The following RPRD2 variants were observed in gnomAD, a reference collection of about 807,000 sequenced individuals.
The protein encoded by RPRD2 is regulation of nuclear pre-mRNA domain-containing protein 2.
In RPRD2, 12 loss-of-function variants were observed where a neutral mutation model predicts 104.4. The observed-to-expected ratio is 0.11, with a 90% CI of 0.07 to 0.19. The LOEUF (loss-of-function observed/expected upper bound fraction) is 0.19, where lower values mean the gene tolerates loss of function less well. Among genes scored for constraint, RPRD2 ranks in the 10% least tolerant of loss-of-function variants. The pLI, the probability that RPRD2 is intolerant of heterozygous loss-of-function variation, is 1.00. For synonymous variants in RPRD2, 714 were observed against 684.9 expected (o/e 1.04, Z -0.66); for missense variants, 1,543 against 1,790.1 (o/e 0.86, Z 2.49).
At chr1:150,383,105 C>T (rs925453628) in intron 1 of RPRD2, among the ~76,000 whole-genome samples, 1 of 151,994 alleles carries the variant, frequency 6.6e-6, no homozygotes, top group African/African-American at 2.4e-5. Context: ...TGATCTTTCC[C>T]ATCTCAGCCT....
intron 10 of RPRD2, among the ~76,000 whole-genome samples, chr1:150,468,808 T>C (rs113284974): frequency 4.4e-4 from 67 of 152,226 alleles, no homozygotes; most frequent in Middle Eastern, 3.4e-3. Context: ...GCCCAAGAGG[T>C]TGAGGTTACA....
chr1:150,466,345 T>C (rs1570798681), intron 10 of RPRD2, among the ~76,000 whole-genome samples: 1 of 131,404 alleles, frequency 7.6e-6, no homozygotes, highest in Admixed American at 8.7e-5. Flanking sequence ...CCCACTACAC[T>C]CCAGCCTGGG....
intron 1 of RPRD2, among the ~76,000 whole-genome samples, chr1:150,390,464 A>T (rs1263400731): frequency 6.6e-6 from 1 of 152,144 alleles, no homozygotes; most frequent in African/African-American, 2.4e-5. Context: ...ACGCCGTTAC[A>T]CTCCAGCCTG....
chr1:150,366,332 C>T (rs1341420102), intron 1 of RPRD2, among the ~76,000 whole-genome samples: 2 of 152,190 alleles, frequency 1.3e-5, no homozygotes, highest in African/African-American at 2.4e-5. Context: ...AAATTATAGG[C>T]CCCATGCTTC....
chr1:150,469,803 C>CT (rs1478254081), intron 10 of RPRD2, among the ~76,000 whole-genome samples: 1 of 152,078 alleles, frequency 6.6e-6, no homozygotes, highest in African/African-American at 2.4e-5. Context: ...TCAATCTGGA[C>CT]TAAATAATCC....
intron 1 of RPRD2, among the ~76,000 whole-genome samples, chr1:150,370,252 G>GAAAAATAT: frequency 6.6e-6 from 1 of 152,182 alleles, no homozygotes; most frequent in East Asian, 1.9e-4. Context: ...AATCAATATG[G>GAAAAATAT]AAAAATATAA....
intron 1 of RPRD2, among the ~76,000 whole-genome samples, chr1:150,403,356 C>A (rs887797382): frequency 1.3e-5 from 2 of 152,020 alleles, no homozygotes; most frequent in Non-Finnish European, 2.9e-5. Flanking sequence ...CAGCCATCAC[C>A]ACCATCCATC....
At chr1:150,464,207 C>G (rs1399806266) in intron 9 of RPRD2, among the ~76,000 whole-genome samples, 3 of 151,960 alleles carry the variant, frequency 2.0e-5, no homozygotes, top group African/African-American at 2.4e-5. Context: ...CAGGGTTTCC[C>G]CATGTTGGTC....
At chr1:150,402,026 C>G (rs1240253783) in intron 1 of RPRD2, among the ~76,000 whole-genome samples, 1 of 150,706 alleles carries the variant, frequency 6.6e-6, no homozygotes, top group Non-Finnish European at 1.5e-5. Flanking sequence ...GTGGCACAAT[C>G]TCGGCTCACT....
chr1:150,394,484 G>A (rs1662336672), intron 1 of RPRD2, among the ~76,000 whole-genome samples: 1 of 152,192 alleles, frequency 6.6e-6, no homozygotes, highest in African/African-American at 2.4e-5. Context: ...ACTAAATGTT[G>A]TATATATAGA....
At chr1:150,423,167 A>AG (rs1664878445) in intron 2 of RPRD2, among the ~76,000 whole-genome samples, 1 of 152,220 alleles carries the variant, frequency 6.6e-6, no homozygotes, top group Non-Finnish European at 1.5e-5. Flanking sequence ...AGTTTATCTG[A>AG]ATATACATCA....
At chr1:150,465,360 C>T (rs587636619) in intron 10 of RPRD2, among the ~76,000 whole-genome samples, 1 of 152,080 alleles carries the variant, frequency 6.6e-6, no homozygotes, top group South Asian at 2.1e-4. Context: ...TCAGGCAGTC[C>T]ACCCACCTCA....
intron 1 of RPRD2, among the ~76,000 whole-genome samples, chr1:150,380,627 G>A (rs918694145): frequency 8.6e-5 from 13 of 151,628 alleles, no homozygotes; most frequent in African/African-American, 2.7e-4. Flanking sequence ...GGATTAAGGC[G>A]TGAGCCACCA....
At chr1:150,416,850 C>A (rs1200673005) in intron 1 of RPRD2, among the ~76,000 whole-genome samples, 1 of 129,522 alleles carries the variant, frequency 7.7e-6, no homozygotes, top group Non-Finnish European at 1.6e-5. Flanking sequence ...GTAGCCTGGG[C>A]GACAGAGTGA....
At chr1:150,402,826 G>T (rs1448135862) in intron 1 of RPRD2, among the ~76,000 whole-genome samples, 3 of 152,128 alleles carry the variant, frequency 2.0e-5, no homozygotes, top group Admixed American at 2.0e-4. Flanking sequence ...AATTAGCCGG[G>T]CATGATGGCA....
chr1:150,399,869 T>C (rs1056341447), intron 1 of RPRD2, among the ~76,000 whole-genome samples: 3 of 152,178 alleles, frequency 2.0e-5, no homozygotes, highest in Non-Finnish European at 2.9e-5. Flanking sequence ...AACTATGTTG[T>C]CTATTGTGGG....
chr1:150,415,421 G>A (rs1193289128), intron 1 of RPRD2, among the ~76,000 whole-genome samples: 1 of 152,080 alleles, frequency 6.6e-6, no homozygotes. Context: ...AGTAGTTCAT[G>A]CCTGTAATCC....
At chr1:150,387,566 CCTTTTTTTTTTTTTTTTTT>C (rs1458316266) in intron 1 of RPRD2, among the ~76,000 whole-genome samples, 10 of 70,130 alleles carry the variant, frequency 1.4e-4, no homozygotes, top group Non-Finnish European at 2.0e-4. Context: ...TTGCAACAGA[CCTTTTTTTTTTTTTTTTTT>C]TTTTTTTTTT....
At chr1:150,465,338 G>A (rs587682094) in intron 10 of RPRD2, among the ~76,000 whole-genome samples, 4 of 151,902 alleles carry the variant, frequency 2.6e-5, no homozygotes, top group South Asian at 2.1e-4. Context: ...GGCTGGTCTC[G>A]AACTCCTGAC....
Sources: gnomAD v4.1 joint callset for allele counts (sites outside exome capture counted in the v4.1 genomes callset) on GRCh38, gnomAD v4.1.1 for gene constraint, MANE v1.5 for transcripts, NCBI Gene and HGNC (gene_info 2026-07-23, HGNC 2026-07-21) for gene names.